ERI1: variants seen among roughly 807,000 people sequenced by gnomAD.
ERI1 encodes the protein 3'-5' exoribonuclease 1.
A neutral mutation model predicts 39.7 loss-of-function variants in ERI1; 39 were observed. That is an observed-to-expected ratio of 0.98 (90% CI 0.76 to 1.28). ERI1 has a LOEUF of 1.28. ERI1 is among the 50% of genes most tolerant of loss of function. ERI1 has a pLI of 0.00. For synonymous variants in ERI1, 204 were observed against 149.6 expected (o/e 1.36, Z -2.65); for missense variants, 581 against 416.9 (o/e 1.39, Z -3.43).
At chr8:9,092,913 T>C (rs946706226) in intron 3 of ERI1, among the ~76,000 whole-genome samples, 6 of 152,192 alleles carry the variant, frequency 3.9e-5, no homozygotes. Flanking sequence ...GGAGAATCTG[T>C]TCAGGCCTGT....
chr8:9,022,223 A>G (rs939035523), intron 6 of ERI1, among the ~76,000 whole-genome samples: 1 of 152,212 alleles, frequency 6.6e-6, no homozygotes, highest in African/African-American at 2.4e-5. Context: ...TCATTGAGGT[A>G]TCAGCTATCT....
intron 3 of ERI1, among the ~76,000 whole-genome samples, chr8:9,090,202 C>G (rs898861252): frequency 6.6e-6 from 1 of 151,936 alleles, no homozygotes; most frequent in Non-Finnish European, 1.5e-5. Flanking sequence ...TGCAGAAACT[C>G]CACTGCTTCT....
intron 6 of ERI1, among the ~76,000 whole-genome samples, chr8:9,028,264 T>G (rs1198243698): frequency 2.6e-5 from 4 of 152,224 alleles, no homozygotes; most frequent in Non-Finnish European, 5.9e-5. Flanking sequence ...ATAGGTCTAT[T>G]CCGATTTTCT....
chr8:9,004,148 C>G, intron 1 of ERI1: 2 of 1,289,288 alleles, frequency 1.6e-6, no homozygotes, highest in South Asian at 1.2e-5. Context: ...TCCTTTTGCC[C>G]TGTGTGCACT....
rs370887027 is a variant in ERI1, at chr8:9,008,072, A to T, written c.211A>T (p.Ile71Phe). 2 of 1,612,318 alleles carry T rather than the reference A, an allele frequency of 1.2e-6. No individual in the cohort carries two copies. Among genetic ancestry groups the T allele is most frequent in the African/African-American group, 2.7e-5 (2 of 74,544 alleles). Residue 71 changes from isoleucine to phenylalanine, a missense_variant, in exon 2 of 7, where the codon ATT (isoleucine) becomes TTT (phenylalanine). By Grantham distance (21) the Ile-to-Phe change is conservative. Coordinates refer to ENST00000250263, the MANE Select transcript of ERI1 (RefSeq NM_153332.4). ...TGACCCGGTTTACAAAGAGATTGCC[A>T]TTACGAATGGCTGTATTAATAGAAT... ...FSDPVYKEIA[I>F]TNGCINRMSK...
chr8:9,093,051 G>C (rs915308448), intron 3 of ERI1, among the ~76,000 whole-genome samples: 1 of 152,064 alleles, frequency 6.6e-6, no homozygotes, highest in Non-Finnish European at 1.5e-5. Flanking sequence ...CCAAATTTCC[G>C]CTTTTTATAA....
intron 6 of ERI1, among the ~76,000 whole-genome samples, chr8:9,025,834 T>G (rs971486224): frequency 6.6e-6 from 1 of 152,094 alleles, no homozygotes; most frequent in Non-Finnish European, 1.5e-5. Flanking sequence ...TATTTGCATA[T>G]ACATAATGAG....
At chr8:9,034,859 G>C (rs1797791757), downstream of ERI1, among the ~76,000 whole-genome samples, 1 of 152,224 alleles carries the variant, frequency 6.6e-6, no homozygotes, top group Non-Finnish European at 1.5e-5. Context: ...CAAAGGAAAA[G>C]TTGTTGAAGG....
At chr8:9,045,295 G>C (rs1416360597) in intron 3 of ERI1, among the ~76,000 whole-genome samples, 2 of 149,936 alleles carry the variant, frequency 1.3e-5, no homozygotes, top group Admixed American at 6.6e-5. Context: ...TGGCTTCTCA[G>C]ATTTCCACTA....
chr8:9,078,578 A>G (rs533173079), intron 3 of ERI1, among the ~76,000 whole-genome samples: 1 of 152,274 alleles, frequency 6.6e-6, no homozygotes, highest in South Asian at 2.1e-4. Context: ...GAGATTTTCA[A>G]ATTCTGAAGT....
At chr8:9,074,115 G>A (rs28482415) in intron 3 of ERI1, among the ~76,000 whole-genome samples, 5,888 of 151,014 alleles carry the variant, frequency 0.039, 361 homozygotes, top group African/African-American at 0.13. Flanking sequence ...TTATTTTTTC[G>A]TTTTTGTTTT....
intron 3 of ERI1, among the ~76,000 whole-genome samples, chr8:9,097,684 AG>A (rs1293226432): frequency 2.0e-5 from 3 of 151,396 alleles, no homozygotes; most frequent in Admixed American, 6.6e-5. Context: ...AAAAAAAAAA[AG>A]AGTAATTTAT....
At chr8:9,011,812 G>T in intron 3 of ERI1, 60 bp downstream of exon 3, 5 of 1,276,210 alleles carry the variant, frequency 3.9e-6, no homozygotes, top group Non-Finnish European at 5.4e-6. Context: ...GTGTTTACTG[G>T]TTATGTGGAG....
rs1585243436 is a variant in ERI1 at position 9,032,922 on chromosome 8, T to C, written c.*2888T>C. 2 of 152,360 alleles carry C rather than the reference T, an allele frequency of 1.3e-5. No individual in the cohort carries two copies. The highest frequency in any genetic ancestry group is 2.9e-5 in the Non-Finnish European group (2 of 68,034). The allele number at this position is 152,360 out of a possible 1,614,324, so 9.4% of individuals were successfully genotyped here. The stretch of plus-strand genomic sequence containing the variant: ...GTACTTTGAAGGAAGACTTTCCATT[T>C]CTAAGCTACCATGGAGAAGTATATG... On this transcript the variant is annotated 3_prime_UTR_variant, in exon 7 of 7. Coordinates refer to ENST00000250263, the MANE Select transcript of ERI1 (RefSeq NM_153332.4).
chr8:9,053,805 C>G (rs891174499), intron 3 of ERI1, among the ~76,000 whole-genome samples: 2 of 152,188 alleles, frequency 1.3e-5, no homozygotes, highest in Non-Finnish European at 2.9e-5. Context: ...ACCCTAAGAA[C>G]TTTGGAGGAA....
At chr8:9,076,784 A>G (rs990188387) in intron 3 of ERI1, among the ~76,000 whole-genome samples, 2 of 152,218 alleles carry the variant, frequency 1.3e-5, no homozygotes, top group Non-Finnish European at 2.9e-5. Context: ...GCTGCCAAGA[A>G]TCTTTAGGGG....
intron 6 of ERI1, among the ~76,000 whole-genome samples, chr8:9,027,136 GGTGTGTGTGTGTATGTGTGTGTGT>G (rs1797224464): frequency 7.3e-6 from 1 of 137,502 alleles, no homozygotes; most frequent in Non-Finnish European, 1.5e-5. Flanking sequence ...GTTATTTTCT[GGTGTGTGTGTGTATGTGTGTGTGT>G]GTGTGTGTGT....
chr8:9,013,056 C>G (rs1209544124), intron 3 of ERI1, among the ~76,000 whole-genome samples: 1 of 151,772 alleles, frequency 6.6e-6, no homozygotes, highest in Non-Finnish European at 1.5e-5. Flanking sequence ...AGTCTTGTAC[C>G]CAGACTTGAG....
intron 6 of ERI1, among the ~76,000 whole-genome samples, chr8:9,029,520 G>T (rs1371729970): frequency 6.6e-6 from 1 of 152,042 alleles, no homozygotes; most frequent in Non-Finnish European, 1.5e-5. Flanking sequence ...AAGAAGAGAT[G>T]GGGTGTCACC....
Sources: gnomAD v4.1 joint callset for allele counts (sites outside exome capture counted in the v4.1 genomes callset) on GRCh38, gnomAD v4.1.1 for gene constraint, MANE v1.5 for transcripts, NCBI Gene and HGNC (gene_info 2026-07-23, HGNC 2026-07-21) for gene names.